STEAP3: variants seen among roughly 807,000 people sequenced by gnomAD.
STEAP3 encodes metalloreductase STEAP3.
STEAP3 carries 35 observed loss-of-function variants against 34.9 expected under a neutral mutation model. That is an observed-to-expected ratio of 1.00 (90% CI 0.76 to 1.33). The LOEUF (loss-of-function observed/expected upper bound fraction) is 1.33. Ranked by LOEUF, STEAP3 falls within the 40% of genes most tolerant of loss-of-function variation. The pLI is 0.00. For synonymous variants in STEAP3, 281 were observed against 301.6 expected, an observed-to-expected ratio of 0.93 and a Z score of 0.71; for missense variants, 652 against 667.6, an observed-to-expected ratio of 0.98 and a Z score of 0.26.
intron 1 of STEAP3, among the ~76,000 whole-genome samples, chr2:119,227,642 C>T (rs1424198333): frequency 6.6e-6 from 1 of 152,082 alleles, no homozygotes; most frequent in African/African-American, 2.4e-5. Flanking sequence ...AAAAATACTG[C>T]CCCAAGATTA....
At chr2:119,229,073 C>T (rs925741724) in intron 1 of STEAP3, among the ~76,000 whole-genome samples, 1 of 152,142 alleles carries the variant, frequency 6.6e-6, no homozygotes, top group African/African-American at 2.4e-5. Context: ...AGTAGAGACT[C>T]TGGGCCTGGG....
rs562037834 is a variant in STEAP3, at chr2:119,242,978, C to T, written c.23-2511C>T. Among the ~76,000 whole-genome samples the T allele has an allele frequency of 7.9e-5, 12 of 152,242 alleles. No individual in the cohort carries two copies. In the South Asian group the frequency reaches 1.9e-3, roughly 24 times the overall value. On this transcript the variant is annotated intron_variant, in intron 2 of 5. Coordinates refer to ENST00000393110, the MANE Select transcript of STEAP3 (RefSeq NM_182915.3). ...AAAATGTAGCCCACCACCCAGGAAA[C>T]GCTCCCAGAACCAGGCAGAAAATAC... is the stretch of plus-strand genomic sequence containing the variant.
chr2:119,248,137 C>G lies in STEAP3; in HGVS notation c.981C>G (p.Ala327=), dbSNP rs1156909741. ...LLSFFCAALH[A]LYSFCLPLRR... ...GCTTCTTCTGCGCCGCCCTGCACGC[C>G]CTCTACAGCTTCTGCTTGCCGCTGC... is the stretch of plus-strand genomic sequence containing the variant. Residue 327 remains alanine (A), a synonymous_variant, in exon 4 of 6, where the codon GCC becomes GCG. Transcript: ENST00000393110. 6.2e-7 allele frequency: 1 copy of G among 1,608,328 alleles called. No individual in the cohort carries two copies. Among genetic ancestry groups the G allele is most frequent in the Non-Finnish European group, 8.5e-7 (1 of 1,179,644 alleles).
At chr2:119,262,341 C>T (rs1172108623) in intron 5 of STEAP3, among the ~76,000 whole-genome samples, 1 of 151,788 alleles carries the variant, frequency 6.6e-6, no homozygotes, top group Admixed American at 6.6e-5. Context: ...TTTATACACA[C>T]ACACACACAC....
intron 5 of STEAP3, among the ~76,000 whole-genome samples, chr2:119,259,511 C>T (rs1677879772): frequency 6.6e-6 from 1 of 152,202 alleles, no homozygotes; most frequent in Non-Finnish European, 1.5e-5. Context: ...GCTGGAACTT[C>T]CTGCTGTCTG....
At chr2:119,225,292 C>A (rs1031178153) in intron 1 of STEAP3, among the ~76,000 whole-genome samples, 1 of 152,054 alleles carries the variant, frequency 6.6e-6, no homozygotes, top group South Asian at 2.1e-4. Flanking sequence ...GGTAAGTGGG[C>A]GGGGTGGGGT....
rs746252829 is a variant in STEAP3 at position 119,247,973 on chromosome 2, G to T, written c.817G>T (p.Ala273Ser). ...SVVNTTLPCV[A>S]YVLLSLVYLP... ...GGTCAACACCACACTGCCGTGCGTG[G>T]CCTACGTGCTGCTGTCACTCGTGTA... is the stretch of plus-strand genomic sequence containing the variant. The change falls in exon 4 of 6, where the codon GCC (alanine) becomes TCC (serine). Residue 273 changes from alanine (A) to serine (S), a missense_variant. Ala to Ser is a moderately conservative substitution (Grantham distance 99). Coordinates refer to ENST00000393110, the MANE Select transcript of STEAP3 (RefSeq NM_182915.3). 4.3e-6 allele frequency: 7 copies of T among 1,613,020 alleles called. No individual in the cohort carries two copies. In the South Asian group the frequency reaches 6.6e-5, roughly 15 times the overall value.
chr2:119,262,889 TATC>T (rs1049220459), intron 5 of STEAP3, among the ~76,000 whole-genome samples, 165 bp from the exon 6 acceptor site: 1 of 152,214 alleles, frequency 6.6e-6, no homozygotes, highest in African/African-American at 2.4e-5. Flanking sequence ...AGTTGAGAGT[TATC>T]ATAAGATCAC....
intron 2 of STEAP3, chr2:119,244,477 G>T (rs918238336): frequency 3.3e-5 from 5 of 151,744 alleles, no homozygotes; most frequent in Non-Finnish European, 7.4e-5. Context: ...GACCTCAAGC[G>T]ATTCTCCTGC....
intron 5 of STEAP3, among the ~76,000 whole-genome samples, chr2:119,255,533 G>A (rs1429092113): frequency 6.6e-6 from 1 of 152,142 alleles, no homozygotes; most frequent in African/African-American, 2.4e-5. Context: ...ACAAACCTTT[G>A]TTAATCAGAC....
At chr2:119,235,477 C>T (rs564053240) in intron 2 of STEAP3, among the ~76,000 whole-genome samples, 7 of 152,344 alleles carry the variant, frequency 4.6e-5, no homozygotes, top group South Asian at 2.1e-4. Flanking sequence ...TCATTGACTC[C>T]GTCCACAGCC....
chr2:119,241,900 G>A (rs1386473490), intron 2 of STEAP3, among the ~76,000 whole-genome samples: 4 of 152,214 alleles, frequency 2.6e-5, no homozygotes, highest in East Asian at 1.9e-4. Flanking sequence ...TAAATCATTC[G>A]AGGTTTTTCA....
chr2:119,263,375 G>A lies in STEAP3; in HGVS notation c.*37G>A, dbSNP rs923536484. On this transcript the variant is annotated 3_prime_UTR_variant, in exon 6 of 6. Transcript: ENST00000393110. Reference sequence around the variant, plus strand: ...TGGGCTCTGGACCCCGGGCACACGAGGGACGGTGCCCTGAGCCCGTTAGGT... The same window carrying A: ...TGGGCTCTGGACCCCGGGCACACGAAGGACGGTGCCCTGAGCCCGTTAGGT... 2 of 1,597,438 alleles carry A rather than the reference G, an allele frequency of 1.3e-6. No individual in the cohort carries two copies. The highest frequency in any genetic ancestry group is 1.7e-6 in the Non-Finnish European group (2 of 1,172,498).
At position 119,257,719 on chromosome 2, in the gene STEAP3, C is replaced by A. The variant is rs1022662529; in HGVS notation, c.1215+2871C>A. 1.2e-5 allele frequency: 16 copies of A among 1,389,246 alleles called. No individual in the cohort carries two copies. In the South Asian group the frequency reaches 2.8e-4, roughly 25 times the overall value. The allele number at this position is 1,389,246 out of a possible 1,614,324, so 86.1% of individuals were successfully genotyped here. A position where few individuals can be genotyped will look rare whatever the true frequency, so the allele number is the denominator to read the frequency against. On this transcript the variant is annotated intron_variant, in intron 5 of 5. Coordinates refer to ENST00000393110, the MANE Select transcript of STEAP3 (RefSeq NM_182915.3). ...CTGCAACCTTCTCCTTTAAAGTTAG[C>A]GTGGCTAGTGAGAAGTTACCTGAGC...
chr2:119,231,996 G>T (rs533590019), intron 2 of STEAP3, among the ~76,000 whole-genome samples: 2 of 152,326 alleles, frequency 1.3e-5, no homozygotes, highest in Admixed American at 1.3e-4. Flanking sequence ...CTGGACCCCA[G>T]GCCCAGTAAG....
Position 119,248,146 on chromosome 2 carries a change from C to T in STEAP3, c.990C>T (p.Ser330=), listed in dbSNP as rs1558752677. The change falls in exon 4 of 6, where the codon AGC becomes AGT. Residue 330 remains serine, a synonymous_variant. Coordinates refer to ENST00000393110, the MANE Select transcript of STEAP3 (RefSeq NM_182915.3). ...GCGCCGCCCTGCACGCCCTCTACAG[C>T]TTCTGCTTGCCGCTGCGCCGCGCCC... ...FFCAALHALY[S]FCLPLRRAHR... 5 of 1,607,514 alleles carry T rather than the reference C, an allele frequency of 3.1e-6. No homozygotes were observed. Among genetic ancestry groups the T allele is most frequent in the Non-Finnish European group, 4.2e-6 (5 of 1,179,086 alleles).
intron 1 of STEAP3, among the ~76,000 whole-genome samples, chr2:119,224,476 G>A (rs573758096): frequency 6.6e-6 from 1 of 152,274 alleles, no homozygotes; most frequent in Admixed American, 6.5e-5. Flanking sequence ...CCTCCTGCCC[G>A]GCAAAGCTCC....
Position 119,254,861 on chromosome 2 carries a change from C to G in STEAP3, c.1215+13C>G, listed in dbSNP as rs757045352. ...CAGCTTCGTTCAGGTAAAGTAGTCTCTAGTCTGCCAGCCAGCTTCAGCGTG... is the reference window on the plus strand; with the variant it reads ...CAGCTTCGTTCAGGTAAAGTAGTCTGTAGTCTGCCAGCCAGCTTCAGCGTG... On this transcript the variant is annotated intron_variant, in intron 5 of 5. Coordinates refer to ENST00000393110, the MANE Select transcript of STEAP3 (RefSeq NM_182915.3). The G allele has an allele frequency of 8.7e-6, 14 of 1,611,974 alleles. No homozygotes were observed. The highest frequency in any genetic ancestry group is 2.2e-5 in the East Asian group (1 of 44,830).
At chr2:119,224,917 C>A (rs543601173) in intron 1 of STEAP3, among the ~76,000 whole-genome samples, 1 of 152,158 alleles carries the variant, frequency 6.6e-6, no homozygotes, top group African/African-American at 2.4e-5. Flanking sequence ...AGAGAGTCCA[C>A]GTATTTTGCA....
Sources: gnomAD v4.1 joint callset for allele counts (sites outside exome capture counted in the v4.1 genomes callset) on GRCh38, gnomAD v4.1.1 for gene constraint, MANE v1.5 for transcripts, NCBI Gene and HGNC (gene_info 2026-07-23, HGNC 2026-07-21) for gene names.